Variants in ADNP2 observed in about 807,000 individuals in gnomAD.
ADNP2 encodes ADNP homeobox 2.
ADNP2 carries 8 observed loss-of-function variants against 16.4 expected under a neutral mutation model. The ratio of observed to expected loss-of-function variants is 0.49; its 90% confidence interval spans 0.29 to 0.88. ADNP2 has a LOEUF of 0.88. Among genes scored for constraint, ADNP2 ranks in the 40% least tolerant of loss-of-function variants. The pLI, the probability that ADNP2 is intolerant of heterozygous loss-of-function variation, is 0.09. For missense variants in ADNP2, 1,397 were observed against 1,395.1 expected, an observed-to-expected ratio of 1.00 and a Z score of -0.02; for synonymous variants, 637 against 545.8, an observed-to-expected ratio of 1.17 and a Z score of -2.33.
At chr18:80,113,900 TCATG>T (rs1449564555) in intron 1 of ADNP2, among the ~76,000 whole-genome samples, 2 of 151,992 alleles carry the variant, frequency 1.3e-5, no homozygotes, top group African/African-American at 4.8e-5. Flanking sequence ...TCCTTAAAAA[TCATG>T]AGAGAGCTGG....
intron 2 of ADNP2, among the ~76,000 whole-genome samples, chr18:80,130,438 T>A (rs1232915460): frequency 6.6e-6 from 1 of 152,216 alleles, no homozygotes; most frequent in Non-Finnish European, 1.5e-5. Context: ...GTAAAGAAAG[T>A]GTTTTGTATG....
chr18:80,135,072 A>C (rs945968654), intron 3 of ADNP2, among the ~76,000 whole-genome samples: 3 of 152,184 alleles, frequency 2.0e-5, no homozygotes, highest in African/African-American at 7.2e-5. Flanking sequence ...AAATTAATGA[A>C]GCTTTTAAAA....
rs142109614 is a variant in ADNP2 at position 80,136,204 on chromosome 18, C to T, written c.791C>T (p.Thr264Met). Reference sequence around the variant, plus strand: ...AAGAGGACTGGACTCTTGAAGCAAACGCACATTGCTCCAAAACCAGCAGCA... The same window carrying T: ...AAGAGGACTGGACTCTTGAAGCAAATGCACATTGCTCCAAAACCAGCAGCA... ...HIKRTGLLKQ[T>M]HIAPKPAAHL... The change falls in exon 4 of 4, where the codon ACG becomes ATG. Residue 264 changes from threonine (T) to methionine (M), a missense_variant. By Grantham distance (81) the Thr-to-Met change is moderately conservative. Transcript: ENST00000262198. 2.6e-5 allele frequency: 42 copies of T among 1,614,252 alleles called. No individual in the cohort carries two copies. In the African/African-American group the frequency reaches 2.8e-4, roughly 11 times the overall value.
intron 3 of ADNP2, among the ~76,000 whole-genome samples, chr18:80,134,978 C>G (rs2052522613): frequency 6.6e-6 from 1 of 152,130 alleles, no homozygotes. Context: ...GGATAAATTC[C>G]AGAGGTTTTA....
chr18:80,115,202 G>T (rs1226630317), intron 1 of ADNP2, among the ~76,000 whole-genome samples: 1 of 152,152 alleles, frequency 6.6e-6, no homozygotes, highest in African/African-American at 2.4e-5. Flanking sequence ...TGCCCACATT[G>T]TCTCGTATCT....
At chr18:80,134,918 T>C (rs1156414946) in intron 3 of ADNP2, among the ~76,000 whole-genome samples, 1 of 152,082 alleles carries the variant, frequency 6.6e-6, no homozygotes, top group East Asian at 1.9e-4. Context: ...ATAGAGGAAG[T>C]AGAAAGATAG....
chr18:80,137,975 T>G lies in ADNP2; in HGVS notation c.2562T>G (p.Pro854=). 6.2e-7 allele frequency: 1 copy of G among 1,613,222 alleles called. No homozygotes were observed. The highest frequency in any genetic ancestry group is 8.5e-7 in the Non-Finnish European group (1 of 1,180,016). ...GGATACACTCCAAGTCACTGGTGCC[T>G]GTGTATGTGAAGGTGAGGCCTCAGG... ...LAGIHSKSLV[P]VYVKVRPQAE... Residue 854 remains proline, a synonymous_variant, in exon 4 of 4, where the codon CCT becomes CCG. Transcript: ENST00000262198. The surrounding 1 kb of genome is among the most constrained non-coding windows in gnomAD (Gnocchi z 4.2).
At chr18:80,126,908 TAAAC>T (rs776269051) in intron 2 of ADNP2, among the ~76,000 whole-genome samples, 7 of 152,220 alleles carry the variant, frequency 4.6e-5, no homozygotes, top group South Asian at 2.1e-4. Flanking sequence ...ATTCCAGAAA[TAAAC>T]AATTCATCTG....
rs1211532606 is a variant in ADNP2, at chr18:80,136,926, C to T, written c.1513C>T (p.Pro505Ser). The change falls in exon 4 of 4, where the codon CCA becomes TCA. Residue 505 changes from proline (P) to serine (S), a missense_variant. Pro to Ser is a moderately conservative substitution (Grantham distance 74). Coordinates refer to ENST00000262198, the MANE Select transcript of ADNP2 (RefSeq NM_014913.4). ...SRVLPPGQTA[P>S]LRVISAGQVV... ...GGTTCTTCCCCCAGGCCAGACAGCC[C>T]CATTGAGGGTTATCTCTGCAGGCCA... 2.5e-6 allele frequency: 4 copies of T among 1,613,842 alleles called. No homozygotes were observed. The highest frequency in any genetic ancestry group is 2.2e-5 in the East Asian group (1 of 44,858).
chr18:80,119,413 CA>C (rs5826687), intron 2 of ADNP2, among the ~76,000 whole-genome samples: 49,882 of 113,584 alleles, frequency 0.44, 9,663 homozygotes, highest in East Asian at 0.59. Context: ...GACTCCGTCT[CA>C]AAAAAAAAAA....
chr18:80,123,819 TC>T (rs1182183010), intron 2 of ADNP2, among the ~76,000 whole-genome samples: 1 of 151,370 alleles, frequency 6.6e-6, no homozygotes, highest in African/African-American at 2.4e-5. Context: ...AACCTCCACC[TC>T]CCAGGTTCAA....
At chr18:80,110,747 C>T (rs2052352196) in intron 1 of ADNP2, among the ~76,000 whole-genome samples, 1 of 152,166 alleles carries the variant, frequency 6.6e-6, no homozygotes, top group African/African-American at 2.4e-5. Flanking sequence ...TAGGACTTCA[C>T]TGCGAAGACA....
At chr18:80,117,432 A>T in intron 1 of ADNP2, 98 bp from the exon 2 acceptor site, 1 of 642,572 alleles carries the variant, frequency 1.6e-6, no homozygotes. Context: ...GTTGAAAATT[A>T]TACTCTATTC....
rs1214388411 is a variant in ADNP2, at chr18:80,115,780, C to CT, written c.-13-1741dup. Among the ~76,000 whole-genome samples the CT allele has an allele frequency of 5.9e-5, 9 of 151,558 alleles. No homozygotes were observed. In the South Asian group the frequency reaches 1.3e-3, roughly 21 times the overall value. On this transcript the variant is annotated intron_variant, in intron 1 of 3. Transcript: ENST00000262198. ...CCCAGCCCTGGCAGCCACTGTTGTG[C>CT]TTTTTTTTTCTGGGGACGGAGTTTT...
intron 2 of ADNP2, among the ~76,000 whole-genome samples, chr18:80,124,152 G>A (rs7407541): frequency 0.24 from 36,471 of 152,122 alleles, 5,977 homozygotes; most frequent in African/African-American, 0.47. Context: ...TTTCTTCATG[G>A]GTATGAATCA....
At position 80,138,617 on chromosome 18, in the gene ADNP2, T is replaced by C. The variant is rs757588522; in HGVS notation, c.3204T>C (p.Pro1068=). 1.2e-6 allele frequency: 2 copies of C among 1,608,092 alleles called. No homozygotes were observed. Among genetic ancestry groups the C allele is most frequent in the Non-Finnish European group, 1.7e-6 (2 of 1,178,650 alleles). ...ATTATTTCCATAAGAAACCATATCC[T>C]AGTAAAAAGGAAATAGAACTGTTGT... ...LKDYFHKKPY[P]SKKEIELLSS... is the part of the protein sequence containing the mutation. Residue 1068 remains proline (P), a synonymous_variant, in exon 4 of 4, where the codon CCT becomes CCC. Transcript: ENST00000262198.
intron 1 of ADNP2, among the ~76,000 whole-genome samples, chr18:80,113,689 T>C (rs1272131771): frequency 6.6e-6 from 1 of 152,154 alleles, no homozygotes; most frequent in Non-Finnish European, 1.5e-5. Context: ...CTCAAGCAAA[T>C]ATAACATGAT....
Position 80,117,393 on chromosome 18 carries a change from A to G in ADNP2, c.-13-137A>G, listed in dbSNP as rs773078046. On this transcript the variant is annotated intron_variant, in intron 1 of 3. Transcript: ENST00000262198. The stretch of plus-strand genomic sequence containing the variant: ...AGAGGTCAACCTCATTCATTTGCAT[A>G]TGAATGTTCACTCGTTCTACAACAA... The G allele has an allele frequency of 9.1e-5, 45 of 495,742 alleles. 1 individual carries two copies. The highest frequency in any genetic ancestry group is 2.3e-4 in the East Asian group (6 of 26,156). The allele number at this position is 495,742 out of a possible 1,614,324, so 30.7% of individuals were successfully genotyped here.
rs547013041 is a variant in ADNP2 at position 80,138,588 on chromosome 18, A to G, written c.3175A>G (p.Lys1059Glu). 6.3e-5 allele frequency: 101 copies of G among 1,609,722 alleles called. No individual in the cohort carries two copies. In the South Asian group the frequency reaches 1.1e-3, roughly 17 times the overall value. ...TTATGAAGAAAAGAAGCAATTTCTT[A>G]AAGATTATTTCCATAAGAAACCATA... is the stretch of plus-strand genomic sequence containing the variant. ...RSYEEKKQFL[K>E]DYFHKKPYPS... The change falls in exon 4 of 4, where the codon AAA (lysine) becomes GAA (glutamate). Residue 1059 changes from lysine (K) to glutamate (E), a missense_variant. Physicochemically the swap from Lys to Glu is moderately conservative, Grantham distance 56. Around this residue, in one of 3 missense-constraint regions of ADNP2, gnomAD observed 611 missense variants for 648.7 expected, o/e 0.94. Transcript: ENST00000262198.
Sources: gnomAD v4.1 joint callset for allele counts (sites outside exome capture counted in the v4.1 genomes callset) on GRCh38, gnomAD v4.1.1 for gene constraint, gnomAD v4.1.1 regional missense constraint, Gnocchi (gnomAD v3.1) non-coding constraint, MANE v1.5 for transcripts, NCBI Gene and HGNC (gene_info 2026-07-23, HGNC 2026-07-21) for gene names.